The following CFLAR variants were observed in gnomAD, a reference collection of about 807,000 sequenced individuals.
CFLAR encodes CASP8 and FADD-like apoptosis regulator.
CFLAR carries 14 observed loss-of-function variants against 51.1 expected under a neutral mutation model. The ratio of observed to expected loss-of-function variants is 0.27; its 90% CI spans 0.18 to 0.43. The LOEUF (loss-of-function observed/expected upper bound fraction) is 0.43, where lower values mean the gene tolerates loss of function less well. Ranked by LOEUF, CFLAR falls within the 20% of genes least tolerant of loss-of-function variation. CFLAR has a pLI of 1.00. For missense variants in CFLAR, 390 were observed against 566.5 expected (o/e 0.69, Z 3.16); for synonymous variants, 210 against 211.6 (o/e 0.99, Z 0.06).
intron 4 of CFLAR, chr2:201,137,605 C>A: frequency 2.7e-6 from 2 of 751,058 alleles, no homozygotes; most frequent in East Asian, 2.5e-5. Flanking sequence ...TTGAGCTCCC[C>A]TGAGTACATC....
At chr2:201,156,227 C>T (rs559355150) in intron 8 of CFLAR, among the ~76,000 whole-genome samples, 41 of 152,328 alleles carry the variant, frequency 2.7e-4, no homozygotes, top group African/African-American at 9.6e-4. Flanking sequence ...AGAAGCGCTG[C>T]CTAATCTCTT....
intron 8 of CFLAR, chr2:201,153,453 C>T (rs983714962): frequency 2.0e-5 from 3 of 152,192 alleles, no homozygotes; most frequent in Admixed American, 2.0e-4. Flanking sequence ...GATTCTAGGC[C>T]CAGAATCCTG....
intron 5 of CFLAR, chr2:201,143,432 A>G (rs375822068): frequency 6.6e-6 from 1 of 152,070 alleles, no homozygotes; most frequent in East Asian, 1.9e-4. Context: ...AGATTGTGCC[A>G]TTGCACTCCA....
chr2:201,120,938 A>C (rs372352357), intron 1 of CFLAR, among the ~76,000 whole-genome samples: 93 of 152,318 alleles, frequency 6.1e-4, no homozygotes, highest in African/African-American at 2.2e-3. Flanking sequence ...CACAACTTTG[A>C]ATCAAGAGTT....
chr2:201,154,464 G>A (rs1941827176), intron 8 of CFLAR: 1 of 152,128 alleles, frequency 6.6e-6, no homozygotes, highest in African/African-American at 2.4e-5. Flanking sequence ...GATTGAGCTG[G>A]GATTCAAAAG....
At chr2:201,162,864 A>C (rs1393731099) in intron 9 of CFLAR, 1 of 591,762 alleles carries the variant, frequency 1.7e-6, no homozygotes, top group African/African-American at 1.8e-5. Flanking sequence ...TATGCACAAT[A>C]GCCCATAATA....
At chr2:201,117,172 A>G (rs1459685302) in intron 1 of CFLAR, 10 of 152,112 alleles carry the variant, frequency 6.6e-5, no homozygotes, top group Non-Finnish European at 1.2e-4. Flanking sequence ...AGAGCAGTTT[A>G]ATGTCTATTT....
intron 9 of CFLAR, chr2:201,163,201 C>A: frequency 8.3e-7 from 1 of 1,199,856 alleles, no homozygotes; most frequent in Non-Finnish European, 1.1e-6. Context: ...TCTGACTGTT[C>A]AGATCTGGAA....
At chr2:201,152,539 A>G (rs532170183) in intron 8 of CFLAR, among the ~76,000 whole-genome samples, 2 of 152,284 alleles carry the variant, frequency 1.3e-5, no homozygotes, top group East Asian at 3.9e-4. Flanking sequence ...CTAGCCATAA[A>G]CCACCTAAGC....
chr2:201,161,401 A>AATTT (rs925521264), intron 9 of CFLAR, among the ~76,000 whole-genome samples: 2 of 122,198 alleles, frequency 1.6e-5, no homozygotes, highest in Admixed American at 7.9e-5. Context: ...ACAAATAACA[A>AATTT]ATTTATTTAT....
intron 2 of CFLAR, among the ~76,000 whole-genome samples, chr2:201,130,353 C>CTTTTTTTTTTTTTTTTTTTTTT (rs771361555): frequency 2.2e-5 from 2 of 92,278 alleles, no homozygotes; most frequent in Admixed American, 1.1e-4. Context: ...TTCTTTCTTT[C>CTTTTTTTTTTTTTTTTTTTTTT]TTTTTTTTTT....
At chr2:201,131,703 G>GT (rs1201624520) in intron 2 of CFLAR, among the ~76,000 whole-genome samples, 3 of 151,628 alleles carry the variant, frequency 2.0e-5, no homozygotes, top group Non-Finnish European at 2.9e-5. Flanking sequence ...TTGTTTTTTT[G>GT]TTTGTTTGTT....
chr2:201,127,477 G>A (rs2048817554), intron 1 of CFLAR, among the ~76,000 whole-genome samples: 1 of 151,820 alleles, frequency 6.6e-6, no homozygotes, highest in Non-Finnish European at 1.5e-5. Flanking sequence ...AAACACAGTG[G>A]GACCCTTTCC....
chr2:201,152,549 C>G (rs1941450580), intron 8 of CFLAR, among the ~76,000 whole-genome samples: 2 of 152,158 alleles, frequency 1.3e-5, no homozygotes, highest in African/African-American at 4.8e-5. Context: ...ACCACCTAAG[C>G]AAGAGCTCAC....
At chr2:201,131,785 T>C (rs1189542064) in intron 2 of CFLAR, among the ~76,000 whole-genome samples, 1 of 152,130 alleles carries the variant, frequency 6.6e-6, no homozygotes, top group Non-Finnish European at 1.5e-5. Context: ...TCATTGTAGC[T>C]GGAAGACCTG....
At chr2:201,159,557 G>A (rs1401506838) in intron 8 of CFLAR, among the ~76,000 whole-genome samples, 2 of 152,190 alleles carry the variant, frequency 1.3e-5, no homozygotes, top group African/African-American at 2.4e-5. Context: ...TAATCTGCCC[G>A]CCTCAGCCTC....
chr2:201,160,220 G>T (rs1184857884), intron 8 of CFLAR, among the ~76,000 whole-genome samples: 5 of 152,148 alleles, frequency 3.3e-5, no homozygotes, highest in African/African-American at 1.2e-4. Context: ...GTATAGCAGG[G>T]TATAGACCAT....
At position 201,140,420 on chromosome 2, in the gene CFLAR, A is replaced by G. The variant is rs761271851; in HGVS notation, c.587A>G (p.Asp196Gly). The G allele has an allele frequency of 2.5e-6, 4 of 1,606,862 alleles. No homozygotes were observed. The highest frequency in any genetic ancestry group is 2.2e-5 in the South Asian group (2 of 89,564). ...LQAAIQKSLK[D>G]PSNNFRLHNG... ...GCAGCAATCCAAAAGAGTCTCAAGG[A>G]TCCTTCAAATAACTTCAGGGTGAGT... The change falls in exon 5 of 10, where the codon GAT becomes GGT. Residue 196 changes from aspartate to glycine, a missense_variant. Asp to Gly is a moderately conservative substitution (Grantham distance 94). Transcript: ENST00000309955.
Position 201,149,783 on chromosome 2 carries a change from G to T in CFLAR, c.741G>T (p.Lys247Asn). ...TACCTGAAGAGAGATACAAGATGAAGAGCAAGCCCCTAGGAATCTGCCTGA... is the reference window on the plus strand; with the variant it reads ...TACCTGAAGAGAGATACAAGATGAATAGCAAGCCCCTAGGAATCTGCCTGA... ...QSIPEERYKMKSKPLGICLII... is the reference protein window; with the variant it reads ...QSIPEERYKMNSKPLGICLII... Residue 247 changes from lysine to asparagine, a missense_variant, in exon 8 of 10, where the codon AAG becomes AAT. Coordinates refer to ENST00000309955, the MANE Select transcript of CFLAR (RefSeq NM_003879.7). The T allele has an allele frequency of 6.2e-7, 1 of 1,613,816 alleles. No homozygotes were observed. Among genetic ancestry groups the T allele is most frequent in the South Asian group, 1.1e-5 (1 of 91,060 alleles).
Sources: gnomAD v4.1 joint callset for allele counts (sites outside exome capture counted in the v4.1 genomes callset) on GRCh38, gnomAD v4.1.1 for gene constraint, MANE v1.5 for transcripts, NCBI Gene and HGNC (gene_info 2026-07-23, HGNC 2026-07-21) for gene names.